The following MCMDC2 variants were observed in gnomAD, a reference collection of about 807,000 sequenced individuals.
MCMDC2 encodes the protein minichromosome maintenance domain containing 2, also known as minichromosome maintenance domain-containing protein 2.
A neutral mutation model predicts 75.8 loss-of-function variants in MCMDC2; 54 were observed. That is an observed-to-expected ratio of 0.71 (90% CI 0.57 to 0.89). MCMDC2 has a LOEUF of 0.89. MCMDC2 is among the 40% of genes least tolerant of loss of function. The probability of loss-of-function intolerance (pLI) is 0.00; values close to 1 mark genes in which losing one functional copy is unlikely to be tolerated. For synonymous variants in MCMDC2, 249 were observed against 274.6 expected (o/e 0.91, Z 0.92); for missense variants, 656 against 780.4 (o/e 0.84, Z 1.90).
chr8:66,916,818 A>G (rs977762902), intron 14 of MCMDC2, among the ~76,000 whole-genome samples: 3 of 152,264 alleles, frequency 2.0e-5, no homozygotes, highest in Middle Eastern at 6.8e-3. Flanking sequence ...GTTTTGAAGT[A>G]AGTTTCTGGT....
intron 9 of MCMDC2, among the ~76,000 whole-genome samples, chr8:66,889,809 A>G (rs1407676650): frequency 6.6e-6 from 1 of 152,170 alleles, no homozygotes; most frequent in Non-Finnish European, 1.5e-5. Flanking sequence ...AGATCACGCC[A>G]CTGCACTAGA....
chr8:66,917,599 T>C (rs1312168076), intron 14 of MCMDC2, among the ~76,000 whole-genome samples: 5 of 152,156 alleles, frequency 3.3e-5, no homozygotes, highest in Non-Finnish European at 7.3e-5. Context: ...CTGGGAGCCA[T>C]CACTCTACTG....
At chr8:66,895,714 T>C (rs1298194905) in intron 10 of MCMDC2, among the ~76,000 whole-genome samples, 1 of 152,108 alleles carries the variant, frequency 6.6e-6, no homozygotes, top group African/African-American at 2.4e-5. Context: ...GGACAATGAA[T>C]TTGGCTTTGA....
rs145810698 is a variant in MCMDC2 at position 66,883,920 on chromosome 8, A to G, written c.999A>G (p.Thr333=). The change falls in exon 9 of 15, where the codon ACA becomes ACG. Residue 333 remains threonine (T), a synonymous_variant. Coordinates refer to ENST00000422365, the MANE Select transcript of MCMDC2 (RefSeq NM_173518.5). The stretch of plus-strand genomic sequence containing the variant: ...GTTTGTTGATGAGTCTAGTACAGAC[A>G]ACTGACCGTAACAAGGAACTGGAAG... The part of the protein sequence containing the change: ...KLCLLMSLVQ[T]TDRNKELEDC... The G allele has an allele frequency of 6.2e-7, 1 of 1,613,952 alleles. No individual in the cohort carries two copies. Among genetic ancestry groups the G allele is most frequent in the Non-Finnish European group, 8.5e-7 (1 of 1,179,996 alleles).
At chr8:66,904,797 G>A (rs1812841186) in intron 13 of MCMDC2, among the ~76,000 whole-genome samples, 1 of 152,154 alleles carries the variant, frequency 6.6e-6, no homozygotes, top group Non-Finnish European at 1.5e-5. Flanking sequence ...GTTTTCTGAT[G>A]AAAGTTTGAA....
intron 14 of MCMDC2, among the ~76,000 whole-genome samples, chr8:66,911,338 G>A (rs1037680692): frequency 1.3e-5 from 2 of 152,156 alleles, no homozygotes; most frequent in Non-Finnish European, 2.9e-5. Context: ...CTGCTGCCCT[G>A]TGAAGAAGGT....
At chr8:66,918,890 G>A (rs1813419052) in intron 14 of MCMDC2, 113 bp from the exon 15 acceptor site, 4 of 944,776 alleles carry the variant, frequency 4.2e-6, no homozygotes, top group East Asian at 3.0e-5. Flanking sequence ...AACCACATGG[G>A]CTCAGACTTA....
intron 9 of MCMDC2, among the ~76,000 whole-genome samples, chr8:66,885,362 G>C (rs1233671702): frequency 6.6e-6 from 1 of 151,446 alleles, no homozygotes; most frequent in Non-Finnish European, 1.5e-5. Flanking sequence ...CAATCTGATA[G>C]GTGGAAAATT....
chr8:66,872,215 G>T (rs760086616), intron 1 of MCMDC2, among the ~76,000 whole-genome samples: 2 of 152,214 alleles, frequency 1.3e-5, no homozygotes, highest in South Asian at 4.1e-4. Flanking sequence ...TGAACTCCAC[G>T]TAGTGGGTGT....
chr8:66,907,978 C>T (rs183657308), intron 14 of MCMDC2, among the ~76,000 whole-genome samples: 166 of 152,042 alleles, frequency 1.1e-3, no homozygotes, highest in Non-Finnish European at 2.1e-3. Context: ...AGACCTTTGT[C>T]AGATGGAGAG....
At chr8:66,904,926 T>C (rs1415135248) in intron 13 of MCMDC2, among the ~76,000 whole-genome samples, 2 of 152,186 alleles carry the variant, frequency 1.3e-5, no homozygotes, top group African/African-American at 4.8e-5. Context: ...CTGTAAAAGA[T>C]ATTTAGTTAG....
At chr8:66,884,083 T>C in intron 9 of MCMDC2, 89 bp downstream of exon 9, 2 of 846,132 alleles carry the variant, frequency 2.4e-6, no homozygotes, top group Non-Finnish European at 3.8e-6. Flanking sequence ...AGAAGAATAT[T>C]TAGAATTTTT....
At chr8:66,898,126 T>A (rs901119778) in intron 12 of MCMDC2, among the ~76,000 whole-genome samples, 6 of 152,148 alleles carry the variant, frequency 3.9e-5, no homozygotes, top group African/African-American at 1.4e-4. Flanking sequence ...AAAAGTAGTC[T>A]GTAGGAGTTA....
In MCMDC2 at chr8:66,877,396, T is replaced by C. The variant is rs772036524; in HGVS notation, c.333T>C (p.Tyr111=). ...CACATTTACCTCCCCTGCCAAGTTA[T>C]GGTCTTGATCTTTGTGAGTTTCCAC... ...KLTHLPPLPS[Y]GLDLCEFPLD... The change falls in exon 5 of 15, where the codon TAT becomes TAC. Residue 111 remains tyrosine (Y), a synonymous_variant. Transcript: ENST00000422365. 1.2e-6 allele frequency: 2 copies of C among 1,612,928 alleles called. No individual in the cohort carries two copies. The highest frequency in any genetic ancestry group is 2.2e-5 in the South Asian group (2 of 90,796).
chr8:66,917,768 T>G (rs902380724), intron 14 of MCMDC2, among the ~76,000 whole-genome samples: 1 of 152,210 alleles, frequency 6.6e-6, no homozygotes, highest in African/African-American at 2.4e-5. Flanking sequence ...ATAACATCCT[T>G]TTGTATGTAA....
chr8:66,910,180 T>C (rs555090149), intron 14 of MCMDC2, among the ~76,000 whole-genome samples: 1 of 152,338 alleles, frequency 6.6e-6, no homozygotes, highest in South Asian at 2.1e-4. Context: ...GCTGCAGGGA[T>C]GTAGCCCTCA....
At chr8:66,876,076 C>G (rs1419857438) in intron 4 of MCMDC2, among the ~76,000 whole-genome samples, 1 of 152,132 alleles carries the variant, frequency 6.6e-6, no homozygotes, top group Non-Finnish European at 1.5e-5. Context: ...TAGTGGGTTC[C>G]TGTGATGTCA....
At chr8:66,881,259 C>A (rs1327762527) in intron 8 of MCMDC2, among the ~76,000 whole-genome samples, 1 of 152,054 alleles carries the variant, frequency 6.6e-6, no homozygotes, top group Non-Finnish European at 1.5e-5. Flanking sequence ...TTGGGCTAAG[C>A]CTTATTTTAA....
Position 66,877,007 on chromosome 8 carries a change from G to A in MCMDC2, c.286-342G>A, listed in dbSNP as rs1250166642. On this transcript the variant is annotated intron_variant, in intron 4 of 14. Transcript: ENST00000422365. ...GATCTCCTGACCTCGTGATCTGCCC[G>A]CCTTGGCCTCCCAAAGTGCTGGGAT... Among the ~76,000 whole-genome samples, 6 of 152,114 alleles carry A rather than the reference G, an allele frequency of 3.9e-5. No homozygotes were observed. The East Asian group carries it at 5.8e-4, about 15-fold the overall frequency.
Sources: gnomAD v4.1 joint callset for allele counts (sites outside exome capture counted in the v4.1 genomes callset) on GRCh38, gnomAD v4.1.1 for gene constraint, MANE v1.5 for transcripts, NCBI Gene and HGNC (gene_info 2026-07-23, HGNC 2026-07-21) for gene names.